Variants in SEPTIN7 observed in about 807,000 individuals in gnomAD.
The protein encoded by SEPTIN7 is septin 7, also known as septin-7.
In SEPTIN7, 10 loss-of-function variants were observed where a neutral mutation model predicts 63.3. The ratio of observed to expected loss-of-function variants is 0.16; its 90% CI spans 0.10 to 0.27. SEPTIN7 has a LOEUF of 0.27. SEPTIN7 is among the 10% of genes least tolerant of loss of function. The pLI is 1.00. For missense variants in SEPTIN7, 310 were observed against 521.0 expected, an observed-to-expected ratio of 0.59 and a Z score of 3.94; for synonymous variants, 131 against 165.3, an observed-to-expected ratio of 0.79 and a Z score of 1.59.
Position 35,879,827 on chromosome 7 carries a change from A to C in SEPTIN7, c.517A>C (p.Lys173Gln). The change falls in exon 7 of 14, where the codon AAA becomes CAA. Residue 173 changes from lysine (K) to glutamine (Q), a missense_variant. Lys to Gln is a moderately conservative substitution (Grantham distance 53, BLOSUM62 1). Around this residue, in one of 2 missense-constraint regions of SEPTIN7, gnomAD observed 255 missense variants for 490.5 expected, o/e 0.52. Coordinates refer to ENST00000350320, the MANE Select transcript of SEPTIN7 (RefSeq NM_001788.6). ...ATTAAATACTGTGTATTTCAGACTT[A>C]AACCATTGGATATTGAGTTTATGAA... ...YFIAPSGHGLKPLDIEFMKRL... is the reference protein window; with the variant it reads ...YFIAPSGHGLQPLDIEFMKRL... The C allele has an allele frequency of 6.4e-7, 1 of 1,555,508 alleles. No individual in the cohort carries two copies.
chr7:35,880,982 C>T lies in SEPTIN7; in HGVS notation c.630+1042C>T, dbSNP rs1455163361. 3.9e-5 allele frequency among the ~76,000 whole-genome samples: 6 copies of T among 152,022 alleles called. 1 individual carries two copies. The highest frequency in any genetic ancestry group is 8.8e-5 in the Non-Finnish European group (6 of 67,916). Reference sequence around the variant, plus strand: ...GGCCAGTAGTATATTGTTTAAACCACAGCAGCTTTATATAATATTTAAAAG... The same window carrying T: ...GGCCAGTAGTATATTGTTTAAACCATAGCAGCTTTATATAATATTTAAAAG... On this transcript the variant is annotated intron_variant, in intron 7 of 13. Coordinates refer to ENST00000350320, the MANE Select transcript of SEPTIN7 (RefSeq NM_001788.6).
chr7:35,886,360 A>G (rs550580460), intron 10 of SEPTIN7, among the ~76,000 whole-genome samples: 71 of 152,324 alleles, frequency 4.7e-4, no homozygotes, highest in African/African-American at 1.6e-3. Flanking sequence ...ATTGTGTCTT[A>G]CACACCTGCT....
intron 3 of SEPTIN7, among the ~76,000 whole-genome samples, chr7:35,861,189 A>C (rs1462998028): frequency 6.6e-6 from 1 of 151,978 alleles, no homozygotes; most frequent in Non-Finnish European, 1.5e-5. Flanking sequence ...CATTTTGCTC[A>C]TTATTTTCCT....
At chr7:35,866,395 G>C (rs1467986087) in intron 4 of SEPTIN7, among the ~76,000 whole-genome samples, 9 of 152,216 alleles carry the variant, frequency 5.9e-5, no homozygotes, top group Non-Finnish European at 1.0e-4. Context: ...GTAGAGGGGA[G>C]TGGTCACCAG....
chr7:35,908,200 T>C (rs3801339), downstream of SEPTIN7, among the ~76,000 whole-genome samples: 78,185 of 152,058 alleles, frequency 0.51, 21,914 homozygotes, highest in Admixed American at 0.62. Flanking sequence ...ATGAAAACTT[T>C]TGCTGCTTTT....
Position 35,904,685 on chromosome 7 carries a change from G to A in SEPTIN7, c.*392G>A, listed in dbSNP as rs2116404643. The A allele has an allele frequency of 6.4e-6, 1 of 156,820 alleles. No individual in the cohort carries two copies. Among genetic ancestry groups the A allele is most frequent in the Admixed American group, 6.5e-5 (1 of 15,392 alleles). 9.7% of individuals were successfully genotyped at this position (156,820 alleles called of 1,614,324 possible). On this transcript the variant is annotated 3_prime_UTR_variant, in exon 14 of 14. Transcript: ENST00000350320. ...ATTGCCATAATATGATGCAAACTGT[G>A]CTTCTCTATGATAATTACAATACAA...
intron 1 of SEPTIN7, among the ~76,000 whole-genome samples, chr7:35,830,313 A>G (rs540019212): frequency 6.6e-6 from 1 of 152,310 alleles, no homozygotes; most frequent in South Asian, 2.1e-4. Context: ...AAGGGGAGGA[A>G]GTGTAGCAGG....
At chr7:35,880,007 A>G (rs1786730181) in intron 7 of SEPTIN7, 67 bp downstream of exon 7, 1 of 845,450 alleles carries the variant, frequency 1.2e-6, no homozygotes, top group South Asian at 1.4e-5. Context: ...TACTATTTTT[A>G]GTATAATGTG....
intron 1 of SEPTIN7, chr7:35,812,128 C>CAAAAAA (rs57121305): frequency 6.1e-5 from 7 of 115,444 alleles, no homozygotes; most frequent in African/African-American, 1.6e-4. Context: ...GTCTCCAAAA[C>CAAAAAA]AAAAAAAAAA....
chr7:35,860,062 CT>C (rs1785420069), intron 3 of SEPTIN7, among the ~76,000 whole-genome samples: 1 of 149,240 alleles, frequency 6.7e-6, no homozygotes, highest in African/African-American at 2.5e-5. Flanking sequence ...CCATTACTGC[CT>C]TTGTTTGTGT....
chr7:35,823,786 A>G (rs750233046), intron 1 of SEPTIN7, among the ~76,000 whole-genome samples: 1 of 152,090 alleles, frequency 6.6e-6, no homozygotes, highest in Non-Finnish European at 1.5e-5. Context: ...GCTGTTACGT[A>G]TTCCTAGTCT....
intron 6 of SEPTIN7, among the ~76,000 whole-genome samples, chr7:35,875,584 G>A (rs568065937): frequency 6.6e-6 from 1 of 152,210 alleles, no homozygotes; most frequent in East Asian, 1.9e-4. Context: ...TGCATGCATG[G>A]CTAATGTATG....
intron 3 of SEPTIN7, among the ~76,000 whole-genome samples, chr7:35,842,388 T>G (rs1250229953): frequency 6.6e-6 from 1 of 151,998 alleles, no homozygotes; most frequent in African/African-American, 2.4e-5. Context: ...AATTTTCATG[T>G]ATTTATATCT....
intron 1 of SEPTIN7, among the ~76,000 whole-genome samples, chr7:35,828,810 G>C (rs1783653386): frequency 6.6e-6 from 1 of 152,168 alleles, no homozygotes; most frequent in Non-Finnish European, 1.5e-5. Flanking sequence ...GTCCAGGCTG[G>C]AGTGTAGTGG....
At chr7:35,895,691 C>T (rs1180116329) in intron 11 of SEPTIN7, among the ~76,000 whole-genome samples, 1 of 152,170 alleles carries the variant, frequency 6.6e-6, no homozygotes, top group Non-Finnish European at 1.5e-5. Flanking sequence ...CCTTTAATTG[C>T]AGCTTTTAGC....
At chr7:35,893,245 ATTC>A (rs1787757908) in intron 11 of SEPTIN7, among the ~76,000 whole-genome samples, 1 of 152,024 alleles carries the variant, frequency 6.6e-6, no homozygotes, top group East Asian at 1.9e-4. Context: ...ATAGCAACGT[ATTC>A]TTTGACAGTG....
At chr7:35,842,541 T>G (rs1784458771) in intron 3 of SEPTIN7, among the ~76,000 whole-genome samples, 1 of 152,206 alleles carries the variant, frequency 6.6e-6, no homozygotes, top group Admixed American at 6.5e-5. Flanking sequence ...CCAAACTTTC[T>G]GAAATATAAT....
intron 12 of SEPTIN7, 45 bp downstream of exon 12, chr7:35,898,428 T>C: frequency 8.0e-7 from 1 of 1,257,596 alleles, no homozygotes; most frequent in Non-Finnish European, 1.1e-6. Context: ...TTGTGTTCCT[T>C]TTTAAGTAGT....
At chr7:35,816,972 A>G (rs1379200648) in intron 1 of SEPTIN7, among the ~76,000 whole-genome samples, 2 of 151,526 alleles carry the variant, frequency 1.3e-5, no homozygotes, top group African/African-American at 4.8e-5. Context: ...CCTTTATCAT[A>G]TAGAAGACTT....
Sources: allele counts gnomAD v4.1 joint callset (sites outside exome capture counted in the v4.1 genomes callset), GRCh38; gene constraint gnomAD v4.1.1; regional missense constraint gnomAD v4.1.1; transcripts MANE v1.5; gene names NCBI Gene and HGNC (gene_info 2026-07-23, HGNC 2026-07-21).